Variants in UGT2B7 observed in about 807,000 individuals in gnomAD.
The protein encoded by UGT2B7 is UDP glucuronosyltransferase family 2 member B7, also known as UDP-glucuronosyltransferase 2B7.
In UGT2B7, 51 loss-of-function variants were observed where a neutral mutation model predicts 51.9. The ratio of observed to expected loss-of-function variants is 0.98; its 90% CI spans 0.78 to 1.24. UGT2B7 has a LOEUF of 1.24. UGT2B7 is among the 50% of genes most tolerant of loss of function. The pLI is 0.00. For missense variants in UGT2B7, 727 were observed against 628.4 expected, an observed-to-expected ratio of 1.16 and a Z score of -1.68; for synonymous variants, 225 against 211.6, an observed-to-expected ratio of 1.06 and a Z score of -0.55.
chr4:69,087,132 C>G (rs1033348408), intron 1 of UGT2B7, among the ~76,000 whole-genome samples: 1 of 151,348 alleles, frequency 6.6e-6, no homozygotes, highest in South Asian at 2.1e-4. Flanking sequence ...CTCTCTCTGT[C>G]TCTCTCTCTC....
At chr4:69,097,816 C>A (rs1277762603) in intron 1 of UGT2B7, among the ~76,000 whole-genome samples, 3 of 151,942 alleles carry the variant, frequency 2.0e-5, no homozygotes, top group Non-Finnish European at 2.9e-5. Context: ...AATTGGAAAT[C>A]ATTAATTTAA....
At chr4:69,095,384 A>G (rs1002846689), upstream of UGT2B7, among the ~76,000 whole-genome samples, 1 of 152,230 alleles carries the variant, frequency 6.6e-6, no homozygotes, top group African/African-American at 2.4e-5. Flanking sequence ...GGGGTCCTCT[A>G]GATCAGCTGG....
At chr4:69,087,789 A>T (rs1560505771) in intron 1 of UGT2B7, among the ~76,000 whole-genome samples, 2 of 150,816 alleles carry the variant, frequency 1.3e-5, no homozygotes, top group Non-Finnish European at 3.0e-5. Context: ...TATTTATTTT[A>T]TTTTTTTTTG....
chr4:69,109,900 A>G (rs1719723397), intron 5 of UGT2B7, among the ~76,000 whole-genome samples: 1 of 152,070 alleles, frequency 6.6e-6, no homozygotes, highest in African/African-American at 2.4e-5. Context: ...CAAAAAAAGA[A>G]GGATAATGAA....
chr4:69,069,093 C>T (rs1718542124), intron 1 of UGT2B7, among the ~76,000 whole-genome samples: 2 of 138,974 alleles, frequency 1.4e-5, no homozygotes, highest in Admixed American at 1.4e-4. Flanking sequence ...AAACTTGGAA[C>T]AGATACTTTA....
intron 1 of UGT2B7, among the ~76,000 whole-genome samples, chr4:69,053,701 G>T (rs530646708): frequency 6.6e-6 from 1 of 152,162 alleles, no homozygotes; most frequent in African/African-American, 2.4e-5. Context: ...CAGCAGGGAG[G>T]AGACAGCATT....
At chr4:69,053,293 T>C (rs1718088859) in intron 1 of UGT2B7, among the ~76,000 whole-genome samples, 1 of 152,174 alleles carries the variant, frequency 6.6e-6, no homozygotes, top group South Asian at 2.1e-4. Context: ...CTTTCTTTGG[T>C]CTAAAAACTA....
intron 1 of UGT2B7, among the ~76,000 whole-genome samples, chr4:69,057,123 G>A (rs4694591): frequency 0.61 from 93,381 of 152,034 alleles, 30,188 homozygotes; most frequent in African/African-American, 0.8. Context: ...CCACCAGTGC[G>A]TGCAGCCCCT....
chr4:69,057,661 C>T (rs1017421179), intron 1 of UGT2B7, among the ~76,000 whole-genome samples: 23 of 152,160 alleles, frequency 1.5e-4, no homozygotes, highest in African/African-American at 4.6e-4. Context: ...TAGGAACAAC[C>T]GGGTCCGACT....
At chr4:69,094,941 G>C (rs935235596), upstream of UGT2B7, among the ~76,000 whole-genome samples, 2 of 152,152 alleles carry the variant, frequency 1.3e-5, no homozygotes, top group Non-Finnish European at 2.9e-5. Context: ...CAGGAAACAA[G>C]TTTCTTTGCC....
intron 1 of UGT2B7, among the ~76,000 whole-genome samples, chr4:69,080,667 G>A (rs541272719): frequency 2.0e-5 from 3 of 151,984 alleles, no homozygotes; most frequent in South Asian, 2.1e-4. Context: ...CCTTTGACTC[G>A]CTAAGCACCT....
intron 2 of UGT2B7, among the ~76,000 whole-genome samples, 172 bp downstream of exon 2, chr4:69,098,860 A>G (rs1020039144): frequency 6.6e-6 from 1 of 151,952 alleles, no homozygotes; most frequent in Non-Finnish European, 1.5e-5. Flanking sequence ...TCACACGTAT[A>G]TGAGTTTTAT....
chr4:69,059,166 T>C (rs895506659), intron 1 of UGT2B7, among the ~76,000 whole-genome samples: 1 of 152,104 alleles, frequency 6.6e-6, no homozygotes, highest in African/African-American at 2.4e-5. Flanking sequence ...AGATTGGAAG[T>C]TAGAGGCCAG....
At chr4:69,111,963 C>G (rs983279121) in intron 5 of UGT2B7, among the ~76,000 whole-genome samples, 1 of 152,138 alleles carries the variant, frequency 6.6e-6, no homozygotes, top group African/African-American at 2.4e-5. Context: ...AATTAACTTA[C>G]TTTCAGTATT....
intron 1 of UGT2B7, among the ~76,000 whole-genome samples, chr4:69,079,673 A>T (rs1718791867): frequency 6.6e-6 from 1 of 152,102 alleles, no homozygotes; most frequent in South Asian, 2.1e-4. Context: ...ATTTTCTAGA[A>T]ATTGGTGACT....
At chr4:69,101,693 CT>C (rs557433511) in intron 2 of UGT2B7, among the ~76,000 whole-genome samples, 145 of 152,102 alleles carry the variant, frequency 9.5e-4, no homozygotes, top group African/African-American at 3.3e-3. Flanking sequence ...AACATTTGGA[CT>C]TTTTTTTCTT....
At chr4:69,064,497 C>T (rs932272082) in intron 1 of UGT2B7, among the ~76,000 whole-genome samples, 1 of 152,192 alleles carries the variant, frequency 6.6e-6, no homozygotes, top group Non-Finnish European at 1.5e-5. Context: ...CAGTGCAAGG[C>T]TCTTTTGAGC....
chr4:69,102,986 T>G, intron 3 of UGT2B7, 48 bp downstream of exon 3: 1 of 1,584,324 alleles, frequency 6.3e-7, no homozygotes, highest in Non-Finnish European at 8.5e-7. Context: ...AAAGAGGCTG[T>G]TAAAGTTTGA....
chr4:69,084,167 A>G (rs553623905), intron 1 of UGT2B7, among the ~76,000 whole-genome samples: 3 of 152,140 alleles, frequency 2.0e-5, no homozygotes, highest in Non-Finnish European at 2.9e-5. Flanking sequence ...TTGATATAAT[A>G]TATCACATTT....
Sources: allele counts gnomAD v4.1 joint callset (sites outside exome capture counted in the v4.1 genomes callset), GRCh38; gene constraint gnomAD v4.1.1; transcripts MANE v1.5; gene names NCBI Gene and HGNC (gene_info 2026-07-23, HGNC 2026-07-21).